Variants in NEGR1 observed in about 807,000 individuals in gnomAD.
NEGR1 encodes the protein IgLON family member 4.
A neutral mutation model predicts 40.9 loss-of-function variants in NEGR1; 10 were observed. The ratio of observed to expected loss-of-function variants is 0.24; its 90% CI spans 0.15 to 0.42. The LOEUF (loss-of-function observed/expected upper bound fraction) is 0.42, where lower values mean the gene tolerates loss of function less well. Ranked by LOEUF, NEGR1 falls within the 10% of genes least tolerant of loss-of-function variation. NEGR1 has a pLI of 1.00. For synonymous variants in NEGR1, 185 were observed against 166.8 expected (o/e 1.11, Z -0.84); for missense variants, 352 against 438.9 (o/e 0.80, Z 1.77).
chr1:71,747,632 C>T (rs1655431388), intron 3 of NEGR1, among the ~76,000 whole-genome samples: 1 of 151,952 alleles, frequency 6.6e-6, no homozygotes, highest in African/African-American at 2.4e-5. Flanking sequence ...ACCATGTTGG[C>T]CAGTCTGGTC....
chr1:71,831,474 A>T (rs1658838001), intron 2 of NEGR1, among the ~76,000 whole-genome samples: 2 of 151,988 alleles, frequency 1.3e-5, no homozygotes, highest in African/African-American at 4.8e-5. Context: ...CATTTTAAAA[A>T]GGGAAAAATT....
At chr1:71,597,360 G>A (rs1323859491) in intron 5 of NEGR1, among the ~76,000 whole-genome samples, 1 of 149,606 alleles carries the variant, frequency 6.7e-6, no homozygotes, top group Non-Finnish European at 1.5e-5. Context: ...ATAGCATACA[G>A]GTCCCTTCCA....
chr1:71,920,180 T>C (rs1645697816), intron 2 of NEGR1, among the ~76,000 whole-genome samples: 2 of 152,188 alleles, frequency 1.3e-5, no homozygotes, highest in Admixed American at 1.3e-4. Context: ...TCAGTACTAC[T>C]TCTAAAGGCC....
chr1:71,916,501 G>A (rs769986233), intron 2 of NEGR1, among the ~76,000 whole-genome samples: 6 of 152,010 alleles, frequency 3.9e-5, no homozygotes, highest in Admixed American at 6.6e-5. Flanking sequence ...GCCTGTAATC[G>A]CAACACTTTG....
At chr1:71,685,754 C>A (rs530467417) in intron 4 of NEGR1, among the ~76,000 whole-genome samples, 3 of 152,272 alleles carry the variant, frequency 2.0e-5, no homozygotes, top group African/African-American at 7.2e-5. Flanking sequence ...CTAAATCTGT[C>A]AATTACTGGT....
intron 4 of NEGR1, among the ~76,000 whole-genome samples, chr1:71,612,773 A>G (rs773496159): frequency 6.6e-6 from 1 of 152,202 alleles, no homozygotes; most frequent in Non-Finnish European, 1.5e-5. Flanking sequence ...TTAGAGACAG[A>G]ACCTTGAAGG....
chr1:71,603,751 A>T (rs990262005), intron 5 of NEGR1, among the ~76,000 whole-genome samples: 6 of 152,146 alleles, frequency 3.9e-5, no homozygotes, highest in Non-Finnish European at 7.4e-5. Flanking sequence ...GTCCATTTGT[A>T]TTGTATTCTT....
intron 4 of NEGR1, among the ~76,000 whole-genome samples, chr1:71,657,998 CA>C (rs1651931650): frequency 6.6e-6 from 1 of 152,132 alleles, no homozygotes. Flanking sequence ...TTCTCTCTGC[CA>C]AATGACTTAT....
intron 2 of NEGR1, among the ~76,000 whole-genome samples, chr1:71,893,907 T>A (rs1660883967): frequency 7.5e-5 from 1 of 13,314 alleles, no homozygotes; most frequent in Non-Finnish European, 1.5e-4. Flanking sequence ...AAATGATGAG[T>A]TCATGTCCTT....
intron 6 of NEGR1, among the ~76,000 whole-genome samples, chr1:71,541,471 T>C (rs1647701421): frequency 6.6e-6 from 1 of 151,746 alleles, no homozygotes; most frequent in African/African-American, 2.4e-5. Context: ...GAGTATTGGC[T>C]TTACATTTTG....
chr1:72,017,643 G>A (rs1425378960), intron 1 of NEGR1, among the ~76,000 whole-genome samples: 4 of 151,388 alleles, frequency 2.6e-5, no homozygotes, highest in Non-Finnish European at 5.9e-5. Context: ...GATGTAGTTG[G>A]TCTTTCTTGT....
At chr1:72,094,067 A>G (rs1648603710) in intron 1 of NEGR1, among the ~76,000 whole-genome samples, 1 of 152,180 alleles carries the variant, frequency 6.6e-6, no homozygotes, top group South Asian at 2.1e-4. Context: ...CAGTGGTGTC[A>G]CTTCTTACTG....
At chr1:71,880,206 T>TA (rs1274709996) in intron 2 of NEGR1, among the ~76,000 whole-genome samples, 1 of 152,028 alleles carries the variant, frequency 6.6e-6, no homozygotes. Flanking sequence ...TTTTTCACAA[T>TA]AAAAAATAAC....
intron 1 of NEGR1, among the ~76,000 whole-genome samples, chr1:72,148,682 A>T (rs966920927): frequency 6.6e-6 from 1 of 152,092 alleles, no homozygotes; most frequent in Non-Finnish European, 1.5e-5. Context: ...ACCCTAAATC[A>T]TCTCTCTCAA....
intron 1 of NEGR1, among the ~76,000 whole-genome samples, chr1:72,252,528 A>T (rs770175002): frequency 1.3e-5 from 2 of 152,234 alleles, no homozygotes; most frequent in African/African-American, 2.4e-5. Context: ...ATATTCTAGT[A>T]CATATCTGTA....
chr1:72,185,808 C>T (rs922320806), intron 1 of NEGR1, among the ~76,000 whole-genome samples: 3 of 151,748 alleles, frequency 2.0e-5, no homozygotes, highest in South Asian at 4.1e-4. Context: ...CAAACATCCA[C>T]ATTTATGTTA....
Position 72,282,465 on chromosome 1 carries a change from A to C in NEGR1, c.30T>G (p.Ala10=), listed in dbSNP as rs756671381. MDMMLLVQG[A]CCSNQWLAAV... ...CCGCCAGCCACTGGTTCGAGCAACA[A>C]GCACCCTGCACCAACAGCATCATGT... The change falls in exon 1 of 7, where the codon GCT becomes GCG. Residue 10 remains alanine, a synonymous_variant. Transcript: ENST00000357731. 4.3e-6 allele frequency: 7 copies of C among 1,613,384 alleles called. No individual in the cohort carries two copies. In the East Asian group the frequency reaches 1.6e-4, roughly 36 times the overall value.
intron 3 of NEGR1, among the ~76,000 whole-genome samples, chr1:71,748,190 A>G (rs982492422): frequency 6.6e-6 from 1 of 152,172 alleles, no homozygotes. Flanking sequence ...TTGACACACA[A>G]TCTAGTGTTC....
intron 1 of NEGR1, among the ~76,000 whole-genome samples, chr1:71,991,024 A>G (rs967048383): frequency 2.0e-5 from 3 of 151,672 alleles, no homozygotes; most frequent in African/African-American, 4.8e-5. Flanking sequence ...TACATTCCCT[A>G]TCTTTGAATA....
Sources: gnomAD v4.1 joint callset for allele counts (sites outside exome capture counted in the v4.1 genomes callset) on GRCh38, gnomAD v4.1.1 for gene constraint, MANE v1.5 for transcripts, NCBI Gene and HGNC (gene_info 2026-07-23, HGNC 2026-07-21) for gene names.